The following GPC5 variants were observed in gnomAD, a reference collection of about 807,000 sequenced individuals.
The protein encoded by GPC5 is glypican 5, also known as glypican-5.
Under a neutral mutation model 53.9 loss-of-function variants are expected in GPC5, and 47 were observed. That is an observed-to-expected ratio of 0.87 (90% CI 0.69 to 1.11). The LOEUF (loss-of-function observed/expected upper bound fraction) is 1.11. GPC5 is among the 50% of genes most tolerant of loss of function. The probability of loss-of-function intolerance (pLI) is 0.00; values close to 1 mark genes in which losing one functional copy is unlikely to be tolerated. For missense variants in GPC5, 748 were observed against 713.1 expected (o/e 1.05, Z -0.56); for synonymous variants, 286 against 263.3 (o/e 1.09, Z -0.84).
At chr13:92,553,692 G>C (rs1053218236) in intron 7 of GPC5, among the ~76,000 whole-genome samples, 3 of 151,912 alleles carry the variant, frequency 2.0e-5, no homozygotes, top group Admixed American at 6.6e-5. Flanking sequence ...CTGAGCAAAA[G>C]TGCTCTTTAT....
At chr13:91,423,874 A>G (rs1878821718) in intron 1 of GPC5, among the ~76,000 whole-genome samples, 2 of 152,234 alleles carry the variant, frequency 1.3e-5, no homozygotes, top group African/African-American at 4.8e-5. Flanking sequence ...TTTCAATTAG[A>G]GATAAAAATA....
chr13:91,695,769 A>T (rs898446466), intron 3 of GPC5, among the ~76,000 whole-genome samples: 2 of 152,222 alleles, frequency 1.3e-5, no homozygotes, highest in Admixed American at 6.5e-5. Context: ...AATTTGGGTC[A>T]TTATAACTTA....
chr13:92,037,103 C>G (rs2040899478), intron 6 of GPC5, among the ~76,000 whole-genome samples: 1 of 152,154 alleles, frequency 6.6e-6, no homozygotes. Flanking sequence ...AACTCTGTCT[C>G]TTTCTTCTAA....
At chr13:92,366,654 G>C (rs375279182) in intron 7 of GPC5, among the ~76,000 whole-genome samples, 1 of 148,170 alleles carries the variant, frequency 6.7e-6, no homozygotes, top group East Asian at 1.9e-4. Context: ...CTAAGGCCAC[G>C]AGCATTTACA....
At chr13:92,777,755 C>G (rs1056047327) in intron 7 of GPC5, among the ~76,000 whole-genome samples, 1 of 152,232 alleles carries the variant, frequency 6.6e-6, no homozygotes, top group Non-Finnish European at 1.5e-5. Flanking sequence ...TCTGCCTCCT[C>G]TGTCTCTCCA....
intron 6 of GPC5, among the ~76,000 whole-genome samples, chr13:92,081,598 C>A (rs1190154895): frequency 4.6e-5 from 7 of 152,182 alleles, no homozygotes; most frequent in Admixed American, 2.6e-4. Context: ...CAAATAATTT[C>A]TTCTACACTT....
At chr13:91,897,347 G>GTA (rs2039453093) in intron 5 of GPC5, among the ~76,000 whole-genome samples, 1 of 132,734 alleles carries the variant, frequency 7.5e-6, no homozygotes, top group South Asian at 3.3e-4. Context: ...GTGTGTGTGT[G>GTA]TGTGTGTGTG....
chr13:91,577,308 G>T (rs1047045837), intron 2 of GPC5, among the ~76,000 whole-genome samples: 1 of 152,194 alleles, frequency 6.6e-6, no homozygotes, highest in African/African-American at 2.4e-5. Context: ...CAGTGAAGCT[G>T]AGCTCAGCTA....
At chr13:91,555,482 C>T (rs147260990) in intron 2 of GPC5, among the ~76,000 whole-genome samples, 5 of 152,128 alleles carry the variant, frequency 3.3e-5, no homozygotes, top group East Asian at 1.9e-4. Flanking sequence ...TACAGAGATC[C>T]ACCATTTCTT....
At chr13:91,577,984 G>T (rs2032201087) in intron 2 of GPC5, among the ~76,000 whole-genome samples, 2 of 152,216 alleles carry the variant, frequency 1.3e-5, no homozygotes, top group African/African-American at 4.8e-5. Flanking sequence ...TGTGATTTCT[G>T]TGGCTAGGCC....
intron 7 of GPC5, among the ~76,000 whole-genome samples, chr13:92,737,581 T>C (rs568279998): frequency 1.3e-5 from 2 of 152,114 alleles, no homozygotes; most frequent in South Asian, 2.1e-4. Context: ...TTACAAAGTG[T>C]TTTTCTTCAT....
At chr13:92,114,752 G>A (rs552908908) in intron 6 of GPC5, among the ~76,000 whole-genome samples, 5 of 152,260 alleles carry the variant, frequency 3.3e-5, no homozygotes, top group African/African-American at 1.2e-4. Flanking sequence ...TAAAGCCAAT[G>A]TAGTATGCCC....
intron 6 of GPC5, among the ~76,000 whole-genome samples, chr13:91,918,812 A>G (rs768092376): frequency 2.6e-5 from 4 of 151,814 alleles, no homozygotes; most frequent in Non-Finnish European, 4.4e-5. Flanking sequence ...ATCTTCATGT[A>G]TCTCTTTATT....
intron 6 of GPC5, among the ~76,000 whole-genome samples, chr13:91,946,969 CT>C (rs1394336953): frequency 6.6e-6 from 1 of 152,002 alleles, no homozygotes; most frequent in Non-Finnish European, 1.5e-5. Context: ...TTGTGTCTTA[CT>C]TTGTGCTATT....
At chr13:91,507,176 C>T (rs1478694369) in intron 2 of GPC5, among the ~76,000 whole-genome samples, 2 of 152,030 alleles carry the variant, frequency 1.3e-5, no homozygotes, top group African/African-American at 4.8e-5. Context: ...AAGGGGCTGG[C>T]AGATTTGGTG....
chr13:91,832,489 A>G (rs1010992283), intron 5 of GPC5, among the ~76,000 whole-genome samples: 1 of 151,668 alleles, frequency 6.6e-6, no homozygotes, highest in East Asian at 1.9e-4. Context: ...TTTAAGATTA[A>G]TATTGTTATG....
intron 7 of GPC5, among the ~76,000 whole-genome samples, chr13:92,685,543 CA>C (rs1287622865): frequency 1.5e-5 from 1 of 65,032 alleles, no homozygotes; most frequent in African/African-American, 6.1e-5. Flanking sequence ...AAATTATGCT[CA>C]TTTTTTTTTT....
intron 5 of GPC5, among the ~76,000 whole-genome samples, chr13:91,829,173 T>G (rs2038618697): frequency 6.6e-6 from 1 of 152,064 alleles, no homozygotes; most frequent in Non-Finnish European, 1.5e-5. Context: ...ATGGCATTCT[T>G]GCCAAAAGGA....
intron 7 of GPC5, chr13:92,181,014 A>T (rs1306624309): frequency 6.5e-6 from 1 of 152,682 alleles, no homozygotes; most frequent in Non-Finnish European, 1.5e-5. Flanking sequence ...ACCTTTCTAC[A>T]CACCAGTTGC....
Sources: allele counts gnomAD v4.1 joint callset (sites outside exome capture counted in the v4.1 genomes callset), GRCh38; gene constraint gnomAD v4.1.1; transcripts MANE v1.5; gene names NCBI Gene and HGNC (gene_info 2026-07-23, HGNC 2026-07-21).